CRIPT: variants seen among roughly 807,000 people sequenced by gnomAD.
The protein encoded by CRIPT is cysteine-rich PDZ-binding protein.
In CRIPT, 20 loss-of-function variants were observed where a neutral mutation model predicts 16.6. That is an observed-to-expected ratio of 1.20 (90% CI 0.85 to 1.75). The LOEUF (loss-of-function observed/expected upper bound fraction) is 1.75. Among genes scored for constraint, CRIPT ranks in the 40% most tolerant of loss-of-function variants. CRIPT has a pLI of 0.00. For synonymous variants in CRIPT, 42 were observed against 37.0 expected, an observed-to-expected ratio of 1.14 and a Z score of -0.49; for missense variants, 133 against 115.3, an observed-to-expected ratio of 1.15 and a Z score of -0.70.
chr2:46,622,682 G>C (rs891176493), intron 3 of CRIPT, among the ~76,000 whole-genome samples: 13 of 151,886 alleles, frequency 8.6e-5, no homozygotes, highest in Non-Finnish European at 1.5e-5. Flanking sequence ...GCGTGGTAGC[G>C]CATGCCTGTA....
At position 46,624,143 on chromosome 2, in the gene CRIPT, C is replaced by T. The variant is rs1262274519; in HGVS notation, c.242-20C>T. On this transcript the variant is annotated intron_variant, in intron 4 of 4. Transcript: ENST00000238892. ...GTTGGTATTATGATTTGATTGATCA[C>T]ATATCTTCTTTTGTTTCAGGCATCT... 1 of 1,536,562 alleles carries T rather than the reference C, an allele frequency of 6.5e-7. No homozygotes were observed. Among genetic ancestry groups the T allele is most frequent in the Non-Finnish European group, 8.8e-7 (1 of 1,134,222 alleles).
chr2:46,619,174 T>C (rs554849005), intron 2 of CRIPT, among the ~76,000 whole-genome samples: 2 of 152,316 alleles, frequency 1.3e-5, no homozygotes, highest in Admixed American at 6.5e-5. Flanking sequence ...TTTTTTAATC[T>C]TCTGATTTTT....
In CRIPT at chr2:46,627,723, G is replaced by A. The variant is rs1670973454; in HGVS notation, c.*3496G>A. Among the ~76,000 whole-genome samples, 1 of 152,164 alleles carries A rather than the reference G, an allele frequency of 6.6e-6. No homozygotes were observed. Among genetic ancestry groups the A allele is most frequent in the Non-Finnish European group, 1.5e-5 (1 of 68,022 alleles). On this transcript the variant is annotated 3_prime_UTR_variant, in exon 5 of 5. Coordinates refer to ENST00000238892, the MANE Select transcript of CRIPT (RefSeq NM_014171.6). Reference sequence around the variant, plus strand: ...GTCTCCCAAAGTGCTGGGATTACAGGCATGAGCCACTGCACCCGGCCCCTT... The same window carrying A: ...GTCTCCCAAAGTGCTGGGATTACAGACATGAGCCACTGCACCCGGCCCCTT...
In CRIPT at chr2:46,627,207, G is replaced by GCA. The variant is rs1226250048; in HGVS notation, c.*2983_*2984dup. ...TTTGGACATTAGACCTTTTTCAGAT[G>GCA]CACAGTTTGTGAATATTCTCTCCCA... On this transcript the variant is annotated 3_prime_UTR_variant, in exon 5 of 5. Coordinates refer to ENST00000238892, the MANE Select transcript of CRIPT (RefSeq NM_014171.6). 6.6e-6 allele frequency among the ~76,000 whole-genome samples: 1 copy of GCA among 152,120 alleles called. No homozygotes were observed. The highest frequency in any genetic ancestry group is 2.4e-5 in the African/African-American group (1 of 41,410).
Position 46,626,477 on chromosome 2 carries a change from G to A in CRIPT, c.*2250G>A, listed in dbSNP as rs1313045628. Among the ~76,000 whole-genome samples, 3 of 152,164 alleles carry A rather than the reference G, an allele frequency of 2.0e-5. No individual in the cohort carries two copies. Among genetic ancestry groups the A allele is most frequent in the African/African-American group, 7.2e-5 (3 of 41,428 alleles). On this transcript the variant is annotated 3_prime_UTR_variant, in exon 5 of 5. Transcript: ENST00000238892. The stretch of plus-strand genomic sequence containing the variant: ...AGTCATGGGATTGCTGGTTCAAATG[G>A]TAGTTCTGTTTTAACTTCTTTGAGA...
chr2:46,620,297 A>G (rs1244671922), intron 3 of CRIPT, among the ~76,000 whole-genome samples: 5 of 152,178 alleles, frequency 3.3e-5, no homozygotes, highest in Admixed American at 3.3e-4. Context: ...GGACAGAAAA[A>G]TTAACTGGGT....
rs1193753036 is a variant in CRIPT, at chr2:46,628,572, C to T, written c.*4345C>T. On this transcript the variant is annotated 3_prime_UTR_variant, in exon 5 of 5. Coordinates refer to ENST00000238892, the MANE Select transcript of CRIPT (RefSeq NM_014171.6). ...TGTTTGTGTCATCTCTGATTTCTTT[C>T]AGCGTGTTTTGTAGTTCTTGTCCAG... Among the ~76,000 whole-genome samples, 2 of 152,150 alleles carry T rather than the reference C, an allele frequency of 1.3e-5. No homozygotes were observed. The highest frequency in any genetic ancestry group is 4.8e-5 in the African/African-American group (2 of 41,414).
At position 46,625,884 on chromosome 2, in the gene CRIPT, C is replaced by T. The variant is rs978100291; in HGVS notation, c.*1657C>T. 6.6e-6 allele frequency: 1 copy of T among 152,140 alleles called. No individual in the cohort carries two copies. The highest frequency in any genetic ancestry group is 2.4e-5 in the African/African-American group (1 of 41,438). 9.4% of individuals were successfully genotyped at this position (152,140 alleles called of 1,614,324 possible). On this transcript the variant is annotated 3_prime_UTR_variant, in exon 5 of 5. Coordinates refer to ENST00000238892, the MANE Select transcript of CRIPT (RefSeq NM_014171.6). ...GGAGAAAAGTACATTTCTCAGGGATCAGCTAGAATCTGGACTTGCCTAACT... is the reference window on the plus strand; with the variant it reads ...GGAGAAAAGTACATTTCTCAGGGATTAGCTAGAATCTGGACTTGCCTAACT...
Position 46,624,938 on chromosome 2 carries a change from T to A in CRIPT, c.*711T>A, listed in dbSNP as rs2104176904. The A allele has an allele frequency of 6.7e-6, 1 of 149,948 alleles. No individual in the cohort carries two copies. Among genetic ancestry groups the A allele is most frequent in the South Asian group, 2.1e-4 (1 of 4,714 alleles). The allele number at this position is 149,948 out of a possible 1,614,324, so 9.3% of individuals were successfully genotyped here. ...TTGTCCATGTTGCATGTAATGAAAA[T>A]AAATCCCTGCTCTGAGAAAAGCTCT... On this transcript the variant is annotated 3_prime_UTR_variant, in exon 5 of 5. Transcript: ENST00000238892.
intron 4 of CRIPT, 52 bp downstream of exon 4, chr2:46,623,919 G>A (rs749149408): frequency 4.6e-6 from 6 of 1,295,676 alleles, no homozygotes; most frequent in Admixed American, 4.0e-5. Context: ...TTCATTTGCT[G>A]CTAATTTGGT....
intron 3 of CRIPT, among the ~76,000 whole-genome samples, 190 bp downstream of exon 3, chr2:46,619,871 T>C (rs767608431): frequency 3.9e-5 from 6 of 152,230 alleles, no homozygotes; most frequent in Non-Finnish European, 8.8e-5. Context: ...TATCAATATA[T>C]GAAGATATTA....
At chr2:46,621,488 T>A (rs1381592615) in intron 3 of CRIPT, among the ~76,000 whole-genome samples, 1 of 152,262 alleles carries the variant, frequency 6.6e-6, no homozygotes, top group Non-Finnish European at 1.5e-5. Flanking sequence ...TCCTCATCTC[T>A]GCCTTAGTAT....
At chr2:46,618,652 C>T in intron 1 of CRIPT, 121 bp from the exon 2 acceptor site, 1 of 530,376 alleles carries the variant, frequency 1.9e-6, no homozygotes, top group Non-Finnish European at 3.3e-6. Context: ...GCTCTCCCAG[C>T]ATTAACAGGC....
In CRIPT at chr2:46,618,844, T is replaced by C. The variant is rs1389506699; in HGVS notation, c.82+6T>C. On this transcript the variant is annotated splice_donor_region_variant and intron_variant, in intron 2 of 4. Coordinates refer to ENST00000238892, the MANE Select transcript of CRIPT (RefSeq NM_014171.6). ...TGGTGCTAGGAATACCACAGGTATT[T>C]CTTCTTTTAGAAAATAGGAATTTAA... The C allele has an allele frequency of 1.3e-6, 2 of 1,562,204 alleles. No homozygotes were observed. The highest frequency in any genetic ancestry group is 1.8e-6 in the Non-Finnish European group (2 of 1,139,548).
intron 4 of CRIPT, 107 bp downstream of exon 4, chr2:46,623,974 C>G (rs1670873504): frequency 5.4e-6 from 4 of 745,642 alleles, no homozygotes; most frequent in Non-Finnish European, 8.3e-6. Context: ...TAGCCAAACA[C>G]TCTCTTTATC....
chr2:46,619,483 C>G, intron 2 of CRIPT, 144 bp from the exon 3 acceptor site: 1 of 504,688 alleles, frequency 2.0e-6, no homozygotes, highest in Non-Finnish European at 3.5e-6. Context: ...TCTTTTTAAG[C>G]AGTATCTTAA....
In CRIPT at chr2:46,617,411, A is replaced by G. The variant is rs188756125; in HGVS notation, c.16+113A>G. ...TCTTCGCCCACAGGTCTCAGATTCT[A>G]TCCGCTGTCTTTCTACCCTACCCTT... On this transcript the variant is annotated intron_variant, in intron 1 of 4. Transcript: ENST00000238892. 25 of 1,215,272 alleles carry G rather than the reference A, an allele frequency of 2.1e-5. No homozygotes were observed. In the East Asian group the frequency reaches 2.5e-4, roughly 12 times the overall value. The allele number at this position is 1,215,272 out of a possible 1,614,324, so 75.3% of individuals were successfully genotyped here.
rs1261400698 is a variant in CRIPT at position 46,628,837 on chromosome 2, A to C, written c.*4610A>C. Among the ~76,000 whole-genome samples, 2 of 152,246 alleles carry C rather than the reference A, an allele frequency of 1.3e-5. No individual in the cohort carries two copies. The highest frequency in any genetic ancestry group is 2.9e-5 in the Non-Finnish European group (2 of 68,038). ...TTAAAAGGAAGACATACAAACAGAC[A>C]CTATAACCAAATAAGATGACAGAAT... is the stretch of plus-strand genomic sequence containing the variant. On this transcript the variant is annotated 3_prime_UTR_variant, in exon 5 of 5. Transcript: ENST00000238892.
chr2:46,617,322 G>T (rs749422145), intron 1 of CRIPT, 24 bp downstream of exon 1: 3 of 1,552,726 alleles, frequency 1.9e-6, no homozygotes, highest in Non-Finnish European at 2.6e-6. Context: ...CCGCTTCTGC[G>T]GGAGGAGGAG....
Sources: allele counts gnomAD v4.1 joint callset (sites outside exome capture counted in the v4.1 genomes callset), GRCh38; gene constraint gnomAD v4.1.1; transcripts MANE v1.5; gene names NCBI Gene and HGNC (gene_info 2026-07-23, HGNC 2026-07-21).